The following SEC14L1 variants were observed in gnomAD, a reference collection of about 807,000 sequenced individuals.
The protein encoded by SEC14L1 is SEC14 like lipid binding 1.
Under a neutral mutation model 85.3 loss-of-function variants are expected in SEC14L1, and 48 were observed. The observed-to-expected ratio is 0.56, with a 90% confidence interval of 0.45 to 0.72. SEC14L1 has a LOEUF of 0.72. Ranked by LOEUF, SEC14L1 falls within the 30% of genes least tolerant of loss-of-function variation. The pLI, the probability that SEC14L1 is intolerant of heterozygous loss-of-function variation, is 0.00. For synonymous variants in SEC14L1, 391 were observed against 355.5 expected (o/e 1.10, Z -1.12); for missense variants, 682 against 921.4 (o/e 0.74, Z 3.36).
chr17:77,142,415 A>G (rs1276406437), intron 1 of SEC14L1, among the ~76,000 whole-genome samples: 2 of 151,942 alleles, frequency 1.3e-5, no homozygotes, highest in Non-Finnish European at 2.9e-5. Context: ...TACAAAAAAT[A>G]TATATGGTGG....
At chr17:77,178,739 A>G (rs1209512860) in intron 3 of SEC14L1, among the ~76,000 whole-genome samples, 2 of 152,180 alleles carry the variant, frequency 1.3e-5, no homozygotes, top group Non-Finnish European at 2.9e-5. Context: ...CTCCTGTGAG[A>G]GTCTGATGCT....
At chr17:77,135,119 T>C (rs1972751752) in intron 3 of SEC14L1, among the ~76,000 whole-genome samples, 1 of 152,196 alleles carries the variant, frequency 6.6e-6, no homozygotes, top group Non-Finnish European at 1.5e-5. Flanking sequence ...GTTACCCATC[T>C]TTTGGCTCTA....
intron 3 of SEC14L1, among the ~76,000 whole-genome samples, chr17:77,162,413 CTGAGA>C (rs1974106409): frequency 6.6e-6 from 1 of 152,100 alleles, no homozygotes; most frequent in African/African-American, 2.4e-5. Context: ...ACTGGTAAGG[CTGAGA>C]TGAGAATGGA....
intron 3 of SEC14L1, among the ~76,000 whole-genome samples, chr17:77,107,150 C>G (rs112355990): frequency 6.6e-6 from 1 of 152,162 alleles, no homozygotes; most frequent in Non-Finnish European, 1.5e-5. Context: ...AGCCAACCAC[C>G]GTGGACCCAC....
intron 3 of SEC14L1, among the ~76,000 whole-genome samples, chr17:77,155,907 C>T (rs1368833730): frequency 6.6e-6 from 1 of 152,108 alleles, no homozygotes; most frequent in Non-Finnish European, 1.5e-5. Context: ...AGATGAGGTT[C>T]CCAGCTTAAG....
At chr17:77,100,835 C>A (rs1971762457) in intron 3 of SEC14L1, among the ~76,000 whole-genome samples, 1 of 152,086 alleles carries the variant, frequency 6.6e-6, no homozygotes. Flanking sequence ...TTATCCATTC[C>A]AATTTTTTTC....
At chr17:77,190,703 C>T (rs915341299) in intron 3 of SEC14L1, 100 bp from the exon 4 acceptor site, 7 of 1,217,666 alleles carry the variant, frequency 5.7e-6, no homozygotes, top group South Asian at 4.1e-5. Context: ...TGCCTGTTGC[C>T]GTGCACCGAG....
chr17:77,109,474 C>A (rs1464924095), intron 3 of SEC14L1, among the ~76,000 whole-genome samples: 1 of 152,174 alleles, frequency 6.6e-6, no homozygotes, highest in African/African-American at 2.4e-5. Context: ...CTGAAACTGG[C>A]CTCCTTGGGA....
intron 3 of SEC14L1, among the ~76,000 whole-genome samples, chr17:77,113,064 T>G (rs1972082917): frequency 6.6e-6 from 1 of 151,602 alleles, no homozygotes; most frequent in African/African-American, 2.4e-5. Flanking sequence ...GAGGCTGAGG[T>G]AGGAGGATCA....
intron 11 of SEC14L1, 44 bp downstream of exon 11, chr17:77,205,390 C>T (rs372286530): frequency 6.0e-5 from 90 of 1,489,128 alleles, no homozygotes; most frequent in African/African-American, 8.3e-5. Context: ...ACTGAGAAAA[C>T]GAATTAAATA....
intron 10 of SEC14L1, among the ~76,000 whole-genome samples, chr17:77,204,300 C>T (rs575147114): frequency 5.4e-4 from 82 of 152,234 alleles, no homozygotes; most frequent in Non-Finnish European, 9.7e-4. Context: ...TCACTGCAAC[C>T]TCCACCTCCC....
At chr17:77,111,424 G>A (rs919345513) in intron 3 of SEC14L1, among the ~76,000 whole-genome samples, 7 of 148,136 alleles carry the variant, frequency 4.7e-5, no homozygotes, top group African/African-American at 1.5e-4. Flanking sequence ...ACAGAGTCTC[G>A]CTTTGTCGCC....
intron 3 of SEC14L1, among the ~76,000 whole-genome samples, chr17:77,173,897 CT>C (rs1164478049): frequency 3.3e-5 from 5 of 150,230 alleles, no homozygotes; most frequent in African/African-American, 4.9e-5. Flanking sequence ...TGCACCCTTT[CT>C]TTTTTTCTTT....
At chr17:77,112,521 C>G (rs1400518765) in intron 3 of SEC14L1, among the ~76,000 whole-genome samples, 1 of 152,078 alleles carries the variant, frequency 6.6e-6, no homozygotes, top group Admixed American at 6.6e-5. Flanking sequence ...GTTCATTAAT[C>G]CACCTCTCAG....
chr17:77,184,918 A>G (rs916318687), intron 3 of SEC14L1, among the ~76,000 whole-genome samples: 13 of 152,184 alleles, frequency 8.5e-5, no homozygotes, highest in African/African-American at 3.1e-4. Flanking sequence ...AGGTTCTGGT[A>G]CCTAAGCCAT....
intron 3 of SEC14L1, among the ~76,000 whole-genome samples, chr17:77,120,623 C>T (rs1470586954): frequency 6.6e-6 from 1 of 152,260 alleles, no homozygotes; most frequent in South Asian, 2.1e-4. Context: ...ATTACAGGTG[C>T]GTGCCACCAC....
chr17:77,135,619 C>G (rs1248337461), intron 3 of SEC14L1, among the ~76,000 whole-genome samples: 1 of 152,026 alleles, frequency 6.6e-6, no homozygotes, highest in African/African-American at 2.4e-5. Flanking sequence ...TCACTGCACC[C>G]TCAACCTCCT....
At chr17:77,121,752 A>G (rs1598250733) in intron 3 of SEC14L1, among the ~76,000 whole-genome samples, 1 of 152,352 alleles carries the variant, frequency 6.6e-6, no homozygotes, top group Admixed American at 6.5e-5. Flanking sequence ...AGCCTGCCCA[A>G]TGCCACACAG....
At chr17:77,185,164 G>A in intron 3 of SEC14L1, 1 of 956,962 alleles carries the variant, frequency 1.0e-6, no homozygotes, top group African/African-American at 1.8e-5. Context: ...TTTAGGCATT[G>A]AAGTCCTCGT....
Sources: gnomAD v4.1 joint callset for allele counts (sites outside exome capture counted in the v4.1 genomes callset) on GRCh38, gnomAD v4.1.1 for gene constraint, MANE v1.5 for transcripts, NCBI Gene and HGNC (gene_info 2026-07-23, HGNC 2026-07-21) for gene names.